The following COL18A1 variants were observed in gnomAD, a reference collection of about 807,000 sequenced individuals.
The protein encoded by COL18A1 is collagen type XVIII alpha 1 chain.
Under a neutral mutation model 168.0 loss-of-function variants are expected in COL18A1, and 133 were observed. The observed-to-expected ratio is 0.79, with a 90% confidence interval of 0.69 to 0.91. The LOEUF (loss-of-function observed/expected upper bound fraction) is 0.91, where lower values mean the gene tolerates loss of function less well. COL18A1 is among the 40% of genes least tolerant of loss of function. The probability of loss-of-function intolerance (pLI) is 0.00; values close to 1 mark genes in which losing one functional copy is unlikely to be tolerated. For missense variants in COL18A1, 2,126 were observed against 1,925.4 expected (o/e 1.10, Z -1.95); for synonymous variants, 949 against 809.0 (o/e 1.17, Z -2.94).
Position 45,424,391 on chromosome 21 carries a change from G to A in COL18A1, c.106+18918G>A, listed in dbSNP as rs79785189. The A allele has an allele frequency of 0.032, 4,916 of 152,442 alleles. 291 individuals are homozygous for A. The highest frequency in any genetic ancestry group is 0.19 in the East Asian group (993 of 5,156). 9.4% of individuals were successfully genotyped at this position (152,442 alleles called of 1,614,324 possible). A position where few individuals can be genotyped will look rare whatever the true frequency, so the allele number is the denominator to read the frequency against. ...GGAGGTGTGTGGCGCAGGTAAACAC[G>A]CCTGGAGCGCAGCTCTGCTGTGGGT... On this transcript the variant is annotated intron_variant, in intron 2 of 41. Coordinates refer to ENST00000651438, the MANE Select transcript of COL18A1 (RefSeq NM_001379500.1).
intron 15 of COL18A1, among the ~76,000 whole-genome samples, chr21:45,486,083 C>T (rs957776907): frequency 6.6e-6 from 1 of 152,212 alleles, no homozygotes; most frequent in African/African-American, 2.4e-5. Context: ...GGGCTCTCAC[C>T]TCACACTCCA....
intron 15 of COL18A1, among the ~76,000 whole-genome samples, chr21:45,483,170 G>A (rs2035958805): frequency 6.6e-6 from 1 of 152,256 alleles, no homozygotes; most frequent in Admixed American, 6.5e-5. Context: ...GGGAGGAGGG[G>A]CTGGGCCACA....
intron 2 of COL18A1, among the ~76,000 whole-genome samples, chr21:45,438,570 C>T (rs2034284428): frequency 1.3e-5 from 2 of 152,240 alleles, no homozygotes; most frequent in South Asian, 4.1e-4. Context: ...TTGGGCTACT[C>T]TGCAGGGCTG....
intron 7 of COL18A1, 44 bp from the exon 8 acceptor site, chr21:45,477,706 G>A: frequency 6.7e-7 from 1 of 1,496,448 alleles, no homozygotes; most frequent in African/African-American, 1.4e-5. Flanking sequence ...CAGGGTGTGT[G>A]GGGCCCCACC....
At chr21:45,410,362 A>C (rs1014013933) in intron 2 of COL18A1, among the ~76,000 whole-genome samples, 1 of 152,300 alleles carries the variant, frequency 6.6e-6, no homozygotes, top group Admixed American at 6.5e-5. Flanking sequence ...CGGCTTCCAG[A>C]AGGCCAGCAG....
chr21:45,490,456 ATGTGCCCTCGTGGGTCCCTGGGCCTCCG>A (rs1424082381), intron 20 of COL18A1, 110 bp downstream of exon 20: 14 of 764,196 alleles, frequency 1.8e-5, no homozygotes, highest in Admixed American at 1.8e-4. Context: ...CTGGGTCTCC[ATGTGCCCTCGTGGGTCCCTGGGCCTCCG>A]TGTGCCCTCC....
At chr21:45,499,968 CA>C (rs1426356471) in intron 32 of COL18A1, among the ~76,000 whole-genome samples, 2 of 152,194 alleles carry the variant, frequency 1.3e-5, no homozygotes, top group Non-Finnish European at 2.9e-5. Context: ...CATTGAAGGA[CA>C]GACATTGTCA....
intron 2 of COL18A1, among the ~76,000 whole-genome samples, chr21:45,435,342 G>A (rs1056015758): frequency 2.6e-5 from 4 of 151,396 alleles, no homozygotes; most frequent in Non-Finnish European, 4.4e-5. Flanking sequence ...AAGTGGGGGC[G>A]TCCCCATCAG....
intron 2 of COL18A1, among the ~76,000 whole-genome samples, chr21:45,419,315 A>G (rs1019429283): frequency 6.6e-6 from 1 of 151,670 alleles, no homozygotes; most frequent in African/African-American, 2.4e-5. Context: ...GTAGTGACGC[A>G]ATGCCGTGTA....
chr21:45,408,379 C>T (rs370553505), intron 2 of COL18A1: 2 of 152,292 alleles, frequency 1.3e-5, no homozygotes, highest in East Asian at 1.9e-4. Flanking sequence ...ACATGCCCCC[C>T]GCAGGCGTGT....
At position 45,443,114 on chromosome 21, in the gene COL18A1, G is replaced by GGGT. The variant is rs1307223973; in HGVS notation, c.107-25126_107-25125insTGG. Among the ~76,000 whole-genome samples the GGGT allele has an allele frequency of 1.1e-5, 1 of 92,588 alleles. No homozygotes were observed. Among genetic ancestry groups the GGGT allele is most frequent in the Non-Finnish European group, 2.4e-5 (1 of 41,416 alleles). 60.7% of individuals were successfully genotyped at this position (92,588 alleles called of 152,430 possible). ...CTGATGTGGGCGGCGGTGCTGGTGT[G>GGGT]GGCGGCGGTGCTGGTGTGGGCGGCG... On this transcript the variant is annotated intron_variant, in intron 2 of 41. Transcript: ENST00000651438. The surrounding 1 kb of genome is among the most constrained non-coding windows in gnomAD (Gnocchi z 5.2).
At chr21:45,456,266 G>C (rs779372007) in intron 2 of COL18A1, 1 of 1,577,642 alleles carries the variant, frequency 6.3e-7, no homozygotes, top group South Asian at 1.1e-5. Context: ...GCCCGCCGCA[G>C]CCGCTCCCAG....
At chr21:45,462,538 C>T (rs556136364) in intron 2 of COL18A1, among the ~76,000 whole-genome samples, 1 of 152,282 alleles carries the variant, frequency 6.6e-6, no homozygotes, top group Non-Finnish European at 1.5e-5. Flanking sequence ...CCTTCAGATT[C>T]CTCTAGTGAT....
At chr21:45,448,796 G>A (rs4819113) in intron 2 of COL18A1, among the ~76,000 whole-genome samples, 23,156 of 152,202 alleles carry the variant, frequency 0.15, 2,298 homozygotes, top group African/African-American at 0.27. Context: ...TCCCAGAGCC[G>A]TCAGGGACCA....
rs1417509302 is a variant in COL18A1 at position 45,498,793 on chromosome 21, C to T, written c.2683+1132C>T. Among the ~76,000 whole-genome samples the T allele has an allele frequency of 6.6e-6, 1 of 152,196 alleles. No homozygotes were observed. The highest frequency in any genetic ancestry group is 2.4e-5 in the African/African-American group (1 of 41,440). On this transcript the variant is annotated intron_variant, in intron 32 of 41. Coordinates refer to ENST00000651438, the MANE Select transcript of COL18A1 (RefSeq NM_001379500.1). This position sits in a 1 kb window ranked among gnomAD's most constrained non-coding sequence, Gnocchi z 4.5. Reference sequence around the variant, plus strand: ...CAGGAGGCCCAGCTCATGGGGTCATCGGACCCACCTTGAACTCTGAAGGTC... The same window carrying T: ...CAGGAGGCCCAGCTCATGGGGTCATTGGACCCACCTTGAACTCTGAAGGTC...
chr21:45,445,819 T>G (rs2034491463), intron 2 of COL18A1, among the ~76,000 whole-genome samples: 1 of 152,372 alleles, frequency 6.6e-6, no homozygotes, highest in Non-Finnish European at 1.5e-5. Context: ...TGTTGATTTA[T>G]GAGTTCTTTA....
At chr21:45,456,400 T>C (rs1424815288) in intron 2 of COL18A1, 1 of 1,546,586 alleles carries the variant, frequency 6.5e-7, no homozygotes, top group African/African-American at 1.4e-5. Context: ...GCGCACTGTC[T>C]CAGGTCGCAG....
rs186299847 is a variant in COL18A1, at chr21:45,445,951, C to T, written c.107-22291C>T. Among the ~76,000 whole-genome samples, 40 of 152,266 alleles carry T rather than the reference C, an allele frequency of 2.6e-4. No individual in the cohort carries two copies. In the East Asian group the frequency reaches 5.6e-3, roughly 21 times the overall value. The stretch of plus-strand genomic sequence containing the variant: ...GAGGCACAAAACTTTTAAGTTTTTA[C>T]GAAGTCCAATTTATTTTTCTTTTGT... On this transcript the variant is annotated intron_variant, in intron 2 of 41. Coordinates refer to ENST00000651438, the MANE Select transcript of COL18A1 (RefSeq NM_001379500.1).
chr21:45,501,651 GCCTCC>G (rs1568935463), intron 32 of COL18A1, among the ~76,000 whole-genome samples: 136 of 151,942 alleles, frequency 9.0e-4, no homozygotes, highest in Non-Finnish European at 1.6e-3. Flanking sequence ...AGGTGGTGGG[GCCTCC>G]ACAGCCGGTC....
Sources: allele counts gnomAD v4.1 joint callset (sites outside exome capture counted in the v4.1 genomes callset), GRCh38; gene constraint gnomAD v4.1.1; non-coding constraint Gnocchi (gnomAD v3.1); transcripts MANE v1.5; gene names NCBI Gene and HGNC (gene_info 2026-07-23, HGNC 2026-07-21).